The following ACACA variants were observed in gnomAD, a reference collection of about 807,000 sequenced individuals.
ACACA encodes the protein acetyl-CoA carboxylase alpha, also known as acetyl-CoA carboxylase 1.
ACACA carries 103 observed loss-of-function variants against 296.1 expected under a neutral mutation model. The observed-to-expected ratio is 0.35, with a 90% confidence interval of 0.30 to 0.41. The LOEUF (loss-of-function observed/expected upper bound fraction) is 0.41. ACACA is among the 10% of genes least tolerant of loss of function. ACACA has a pLI of 1.00. For synonymous variants in ACACA, 953 were observed against 1,038.6 expected (o/e 0.92, Z 1.58); for missense variants, 1,554 against 2,989.7 (o/e 0.52, Z 11.20).
intron 9 of ACACA, 56 bp downstream of exon 9, chr17:37,274,137 T>C: frequency 6.9e-7 from 1 of 1,456,576 alleles, no homozygotes; most frequent in Non-Finnish European, 9.6e-7. Context: ...AATCTCCACA[T>C]TTGTGACTAT....
At chr17:37,383,696 C>A (rs2050402014) in intron 1 of ACACA, among the ~76,000 whole-genome samples, 1 of 152,166 alleles carries the variant, frequency 6.6e-6, no homozygotes, top group Non-Finnish European at 1.5e-5. Flanking sequence ...TACAGCACCA[C>A]CATGCCCAGC....
intron 47 of ACACA, among the ~76,000 whole-genome samples, chr17:37,126,071 C>T (rs918396740): frequency 6.6e-6 from 1 of 152,162 alleles, no homozygotes; most frequent in Admixed American, 6.5e-5. Flanking sequence ...AGAGAGTTTG[C>T]ATGCTTTTAA....
At chr17:37,234,886 T>TC (rs2080033670) in intron 25 of ACACA, 89 bp downstream of exon 25, 1 of 1,471,990 alleles carries the variant, frequency 6.8e-7, no homozygotes, top group African/African-American at 1.4e-5. Flanking sequence ...GGCAGTAGTT[T>TC]TTTTTCTCTG....
intron 1 of ACACA, among the ~76,000 whole-genome samples, chr17:37,390,253 T>TTA (rs1342706620): frequency 6.0e-4 from 21 of 35,086 alleles, no homozygotes. Context: ...TATATATATA[T>TTA]TATATATAAT....
intron 1 of ACACA, among the ~76,000 whole-genome samples, chr17:37,381,817 T>G (rs11657660): frequency 9.9e-5 from 15 of 150,804 alleles, no homozygotes; most frequent in African/African-American, 2.0e-4. Flanking sequence ...TTGGTAGAGA[T>G]GGGGTTTCAC....
chr17:37,276,074 C>A lies in ACACA; in HGVS notation c.803-25G>T, dbSNP rs369893356. 10 of 1,571,004 alleles carry A rather than the reference C, an allele frequency of 6.4e-6. No individual in the cohort carries two copies. The African/African-American group carries it at 1.1e-4, about 17-fold the overall frequency. The stretch of plus-strand genomic sequence containing the variant: ...CCTAAAAACGAAACAGGAAAAGAAT[C>A]CTGACTGTAACACCTTGGCCTCATT... On this transcript the variant is annotated intron_variant, in intron 7 of 55. Coordinates refer to ENST00000616317, the MANE Select transcript of ACACA (RefSeq NM_198834.3).
intron 45 of ACACA, among the ~76,000 whole-genome samples, chr17:37,147,429 C>G (rs1192353052): frequency 1.3e-5 from 2 of 152,110 alleles, no homozygotes; most frequent in Non-Finnish European, 2.9e-5. Context: ...GTACACAATA[C>G]AGAGAGATAC....
intron 12 of ACACA, among the ~76,000 whole-genome samples, chr17:37,258,912 T>C (rs1271367759): frequency 2.0e-5 from 3 of 152,208 alleles, no homozygotes; most frequent in Non-Finnish European, 4.4e-5. Flanking sequence ...ACAATAATAT[T>C]GACAGCAAGC....
intron 1 of ACACA, among the ~76,000 whole-genome samples, chr17:37,381,858 A>G (rs2050296933): frequency 6.7e-6 from 1 of 149,494 alleles, no homozygotes; most frequent in Admixed American, 6.6e-5. Context: ...CGATCGCCTG[A>G]CCTTGTGATC....
intron 4 of ACACA, 74 bp downstream of exon 4, chr17:37,284,764 T>C: frequency 5.0e-6 from 8 of 1,601,584 alleles, no homozygotes; most frequent in Non-Finnish European, 6.8e-6. Flanking sequence ...TGGGAGCAAA[T>C]CTAGACAACA....
intron 3 of ACACA, chr17:37,299,214 C>T: frequency 6.8e-7 from 1 of 1,467,774 alleles, no homozygotes; most frequent in Non-Finnish European, 9.4e-7. Flanking sequence ...CAGGGCTTAG[C>T]TGTCAGTACC....
At chr17:37,333,081 C>T (rs1332864526) in intron 2 of ACACA, among the ~76,000 whole-genome samples, 1 of 152,018 alleles carries the variant, frequency 6.6e-6, no homozygotes, top group Non-Finnish European at 1.5e-5. Flanking sequence ...AAAGTAATGC[C>T]CTCACTCCAG....
chr17:37,379,079 C>A, intron 1 of ACACA: 3 of 1,542,144 alleles, frequency 1.9e-6, no homozygotes, highest in South Asian at 1.3e-5. Flanking sequence ...CTCAAAAAAA[C>A]CAACCAAACA....
At chr17:37,156,053 CTTTTTTTTT>C (rs60787242) in intron 42 of ACACA, among the ~76,000 whole-genome samples, 11 of 94,010 alleles carry the variant, frequency 1.2e-4, no homozygotes, top group Admixed American at 4.5e-4. Context: ...TTCTTTCTTT[CTTTTTTTTT>C]TTTTTTTTTT....
At chr17:37,200,277 A>G in intron 34 of ACACA, 94 bp from the exon 35 acceptor site, 1 of 1,381,616 alleles carries the variant, frequency 7.2e-7, no homozygotes, top group Non-Finnish European at 1.0e-6. Context: ...TGATGAGTTA[A>G]ACTAATGTTT....
chr17:37,382,838 G>C (rs575817751), intron 1 of ACACA, among the ~76,000 whole-genome samples: 1 of 151,950 alleles, frequency 6.6e-6, no homozygotes, highest in Non-Finnish European at 1.5e-5. Context: ...CCAGCCTGGC[G>C]ACAGAGCGAG....
intron 1 of ACACA, among the ~76,000 whole-genome samples, chr17:37,350,190 G>T (rs1040839118): frequency 9.9e-5 from 15 of 151,994 alleles, no homozygotes; most frequent in Admixed American, 2.0e-4. Flanking sequence ...AATTTGCTAG[G>T]CATAATGGCA....
intron 3 of ACACA, among the ~76,000 whole-genome samples, chr17:37,292,656 G>A (rs2083125093): frequency 6.6e-6 from 1 of 152,196 alleles, no homozygotes; most frequent in South Asian, 2.1e-4. Flanking sequence ...AGGAATTCAA[G>A]GCCAGCCTTG....
At chr17:37,159,208 C>T (rs2076370120) in intron 42 of ACACA, among the ~76,000 whole-genome samples, 1 of 151,684 alleles carries the variant, frequency 6.6e-6, no homozygotes, top group East Asian at 1.9e-4. Flanking sequence ...ATTAATATAA[C>T]ATAAAATTAA....
Sources: allele counts gnomAD v4.1 joint callset (sites outside exome capture counted in the v4.1 genomes callset), GRCh38; gene constraint gnomAD v4.1.1; transcripts MANE v1.5; gene names NCBI Gene and HGNC (gene_info 2026-07-23, HGNC 2026-07-21).